The following FILIP1 variants were observed in gnomAD, a reference collection of about 807,000 sequenced individuals.
The protein encoded by FILIP1 is filamin-A-interacting protein 1.
FILIP1 carries 61 observed loss-of-function variants against 102.1 expected under a neutral mutation model. That is an observed-to-expected ratio of 0.60 (90% CI 0.49 to 0.74). FILIP1 has a LOEUF of 0.74. Ranked by LOEUF, FILIP1 falls within the 30% of genes least tolerant of loss-of-function variation. FILIP1 has a pLI of 0.00. For missense variants in FILIP1, 1,314 were observed against 1,441.2 expected (o/e 0.91, Z 1.43); for synonymous variants, 491 against 526.9 (o/e 0.93, Z 0.93).
chr6:75,390,222 T>C (rs756773540), intron 2 of FILIP1, among the ~76,000 whole-genome samples: 1 of 152,116 alleles, frequency 6.6e-6, no homozygotes, highest in Non-Finnish European at 1.5e-5. Flanking sequence ...GGATGTGGGG[T>C]AGATTTTCCT....
intron 4 of FILIP1, among the ~76,000 whole-genome samples, chr6:75,328,402 G>A (rs1297896993): frequency 1.3e-5 from 2 of 152,166 alleles, no homozygotes; most frequent in African/African-American, 4.8e-5. Flanking sequence ...TTAATTAATT[G>A]TTGAAGATTA....
intron 1 of FILIP1, among the ~76,000 whole-genome samples, chr6:75,486,566 T>C (rs1190156317): frequency 1.3e-5 from 2 of 152,144 alleles, no homozygotes; most frequent in Non-Finnish European, 2.9e-5. Flanking sequence ...GGTGGAGGTG[T>C]TCCATAAACA....
intron 4 of FILIP1, among the ~76,000 whole-genome samples, chr6:75,336,312 T>C (rs535021459): frequency 6.6e-6 from 1 of 152,236 alleles, no homozygotes; most frequent in South Asian, 2.1e-4. Flanking sequence ...AGCTGTATAA[T>C]AGGGATATGG....
intron 4 of FILIP1, among the ~76,000 whole-genome samples, chr6:75,331,497 T>C (rs1427167860): frequency 6.6e-6 from 1 of 152,184 alleles, no homozygotes; most frequent in East Asian, 1.9e-4. Flanking sequence ...TAAAAATATA[T>C]ATATTGCAAG....
At chr6:75,440,180 C>G (rs1325076118) in intron 1 of FILIP1, among the ~76,000 whole-genome samples, 1 of 152,024 alleles carries the variant, frequency 6.6e-6, no homozygotes, top group African/African-American at 2.4e-5. Context: ...CTTTGGGCAA[C>G]TTTTTGGGAA....
chr6:75,472,350 C>T (rs1186051973), intron 1 of FILIP1, among the ~76,000 whole-genome samples: 1 of 152,008 alleles, frequency 6.6e-6, no homozygotes, highest in Admixed American at 6.6e-5. Context: ...ATAAGAGTTA[C>T]CCTCTTAATA....
exon 7 of FILIP1, chr6:75,292,704 G>A (rs187205511): frequency 2.1e-4 from 32 of 152,000 alleles, no homozygotes; most frequent in African/African-American, 6.5e-4. Context: ...TGCCAGTTGC[G>A]TTTTTTAACT....
At chr6:75,457,688 T>C (rs1168492304) in intron 1 of FILIP1, among the ~76,000 whole-genome samples, 1 of 151,922 alleles carries the variant, frequency 6.6e-6, no homozygotes, top group Non-Finnish European at 1.5e-5. Context: ...TATTTAGCCT[T>C]CTCAGAGAGA....
intron 1 of FILIP1, among the ~76,000 whole-genome samples, chr6:75,453,077 TCAAGC>T (rs1778691234): frequency 6.6e-6 from 1 of 152,210 alleles, no homozygotes; most frequent in Non-Finnish European, 1.5e-5. Flanking sequence ...ACCATCAGGC[TCAAGC>T]CAAGGTTAGT....
chr6:75,306,832 A>G (rs1562425706), downstream of FILIP1, among the ~76,000 whole-genome samples: 1 of 57,534 alleles, frequency 1.7e-5, no homozygotes, highest in African/African-American at 6.5e-5. Flanking sequence ...GGCTCACTGC[A>G]ACCTCTGCCT....
chr6:75,408,335 G>A (rs1399366911), intron 2 of FILIP1, among the ~76,000 whole-genome samples: 1 of 152,180 alleles, frequency 6.6e-6, no homozygotes, highest in African/African-American at 2.4e-5. Context: ...CACATTACTG[G>A]TTCTAGACAA....
chr6:75,439,365 CAAA>C (rs11321756), intron 1 of FILIP1, among the ~76,000 whole-genome samples: 1 of 146,684 alleles, frequency 6.8e-6, no homozygotes, highest in Non-Finnish European at 1.5e-5. Flanking sequence ...AGACTCCGTC[CAAA>C]AAAAAAAAAG....
chr6:75,451,089 CAT>C (rs976700286), intron 1 of FILIP1, among the ~76,000 whole-genome samples: 22 of 151,970 alleles, frequency 1.4e-4, no homozygotes, highest in Non-Finnish European at 2.4e-4. Context: ...GAGGAAACCA[CAT>C]GTTTCACAAT....
intron 3 of FILIP1, chr6:75,361,895 T>C (rs1260311480): frequency 2.0e-5 from 3 of 152,232 alleles, no homozygotes; most frequent in Non-Finnish European, 4.4e-5. Context: ...GCTGCAGTAA[T>C]TTGAAAATTA....
intron 1 of FILIP1, among the ~76,000 whole-genome samples, chr6:75,491,452 A>G (rs893487841): frequency 6.6e-6 from 1 of 152,172 alleles, no homozygotes; most frequent in Non-Finnish European, 1.5e-5. Context: ...GAGTAGATAG[A>G]CAAACATAGC....
intron 1 of FILIP1, among the ~76,000 whole-genome samples, chr6:75,481,578 C>T (rs567102718): frequency 5.6e-4 from 86 of 152,266 alleles, no homozygotes; most frequent in African/African-American, 1.9e-3. Flanking sequence ...ATCCTCTATC[C>T]GCCTGCCAGA....
intron 2 of FILIP1, among the ~76,000 whole-genome samples, chr6:75,390,627 C>T (rs184414167): frequency 1.2e-3 from 185 of 152,224 alleles, no homozygotes; most frequent in African/African-American, 4.2e-3. Context: ...GAGGACAGTA[C>T]CAAGGGGAGT....
At chr6:75,434,197 T>C (rs1352032325) in intron 1 of FILIP1, among the ~76,000 whole-genome samples, 1 of 152,184 alleles carries the variant, frequency 6.6e-6, no homozygotes, top group African/African-American at 2.4e-5. Flanking sequence ...CATATGAACT[T>C]TAAAGTAGTT....
At chr6:75,449,614 A>AT (rs777573162) in intron 1 of FILIP1, among the ~76,000 whole-genome samples, 2 of 151,810 alleles carry the variant, frequency 1.3e-5, no homozygotes, top group Non-Finnish European at 2.9e-5. Flanking sequence ...CCCCATCTGT[A>AT]TTTTTTTTAA....
Sources: gnomAD v4.1 joint callset for allele counts (sites outside exome capture counted in the v4.1 genomes callset) on GRCh38, gnomAD v4.1.1 for gene constraint, MANE v1.5 for transcripts, NCBI Gene and HGNC (gene_info 2026-07-23, HGNC 2026-07-21) for gene names.